RADIL: variants seen among roughly 807,000 people sequenced by gnomAD.
The protein encoded by RADIL is Rap associating with DIL domain.
In RADIL, 99 loss-of-function variants were observed where a neutral mutation model predicts 97.6. The observed-to-expected ratio is 1.01, with a 90% confidence interval of 0.86 to 1.20. The LOEUF (loss-of-function observed/expected upper bound fraction) is 1.20. RADIL is among the 50% of genes most tolerant of loss of function. RADIL has a pLI of 0.00. For missense variants in RADIL, 1,765 were observed against 1,498.9 expected (o/e 1.18, Z -2.93); for synonymous variants, 803 against 691.8 (o/e 1.16, Z -2.52).
Position 4,818,539 on chromosome 7 carries a change from G to A in RADIL, c.1616-1188C>T, listed in dbSNP as rs992183526. On this transcript the variant is annotated intron_variant, in intron 6 of 14. Transcript: ENST00000399583. The surrounding 1 kb of genome is among the most constrained non-coding windows in gnomAD (Gnocchi z 7.1). The stretch of plus-strand genomic sequence containing the variant: ...CAGGCAGGGCAGCTGGAGGGACCCC[G>A]GGGTCCGGGGCAGTAAGGGGCTCTC... 1.3e-5 allele frequency among the ~76,000 whole-genome samples: 2 copies of A among 152,194 alleles called. No individual in the cohort carries two copies. The highest frequency in any genetic ancestry group is 4.8e-5 in the African/African-American group (2 of 41,456).
intron 5 of RADIL, among the ~76,000 whole-genome samples, chr7:4,826,733 AAAAAAAAAAAAC>A (rs1461409613): frequency 1.1e-5 from 1 of 92,064 alleles, no homozygotes; most frequent in African/African-American, 6.7e-5. Flanking sequence ...ACTCCGTCTC[AAAAAAAAAAAAC>A]AAAAAAAAAA....
chr7:4,878,811 G>A lies in RADIL; in HGVS notation c.-64-608C>T, dbSNP rs1482710899. ...ATCAAGGAGCGCCCCACCCGGAGCC[G>A]GCCCCAGCACCATCACAGCCACAGA... is the stretch of plus-strand genomic sequence containing the variant. On this transcript the variant is annotated intron_variant, in intron 1 of 14. Transcript: ENST00000399583. The surrounding 1 kb of genome is among the most constrained non-coding windows in gnomAD (Gnocchi z 4.1). Among the ~76,000 whole-genome samples, 4 of 152,324 alleles carry A rather than the reference G, an allele frequency of 2.6e-5. No individual in the cohort carries two copies. The highest frequency in any genetic ancestry group is 3.4e-3 in the Middle Eastern group (1 of 294).
chr7:4,861,301 T>C lies in RADIL; in HGVS notation c.535+16304A>G, dbSNP rs113890159. On this transcript the variant is annotated intron_variant, in intron 2 of 14. Transcript: ENST00000399583. Reference sequence around the variant, plus strand: ...TAGTCTGTAGTGCTAATCTTGCAAATAAAATATCAATCTCTATCCCATCAA... The same window carrying C: ...TAGTCTGTAGTGCTAATCTTGCAAACAAAATATCAATCTCTATCCCATCAA... 3.2e-5 allele frequency: 51 copies of C among 1,614,098 alleles called. No homozygotes were observed. The African/African-American group carries it at 4.1e-4, about 13-fold the overall frequency.
chr7:4,839,245 A>G (rs907603080), intron 2 of RADIL, among the ~76,000 whole-genome samples: 1 of 152,122 alleles, frequency 6.6e-6, no homozygotes, highest in East Asian at 1.9e-4. Context: ...TTTTACCCCA[A>G]AGTCATTCAG....
chr7:4,805,408 G>T (rs1224831923), intron 10 of RADIL, 158 bp downstream of exon 10: 2 of 534,960 alleles, frequency 3.7e-6, no homozygotes, highest in African/African-American at 5.8e-5. Context: ...ATGGGGCGGG[G>T]CGGGGGGGTC....
intron 2 of RADIL, among the ~76,000 whole-genome samples, chr7:4,844,954 G>T (rs4720427): frequency 0.53 from 79,976 of 151,392 alleles, 22,117 homozygotes; most frequent in African/African-American, 0.7. Context: ...CATGACCCAG[G>T]AGTCAACCAC....
intron 2 of RADIL, among the ~76,000 whole-genome samples, chr7:4,866,929 T>C (rs1784144474): frequency 6.6e-6 from 1 of 152,090 alleles, no homozygotes; most frequent in Non-Finnish European, 1.5e-5. Context: ...CGAGAATGGA[T>C]TGGTTTCCAA....
At chr7:4,855,554 G>A (rs552652945) in intron 2 of RADIL, among the ~76,000 whole-genome samples, 5 of 146,322 alleles carry the variant, frequency 3.4e-5, no homozygotes, top group East Asian at 2.0e-4. Flanking sequence ...CACTGGCACC[G>A]CGTTCGAGTT....
rs1047545586 is a variant in RADIL at position 4,814,961 on chromosome 7, C to T, written c.2139+317G>A. Among the ~76,000 whole-genome samples, 6 of 152,216 alleles carry T rather than the reference C, an allele frequency of 3.9e-5. No individual in the cohort carries two copies. In the East Asian group the frequency reaches 5.8e-4, roughly 15 times the overall value. ...GGACTTGTCTGAGTGGACTGGGCCA[C>T]CCGGATACCCAGGTCATCTCCGAAT... On this transcript the variant is annotated intron_variant, in intron 9 of 14. Transcript: ENST00000399583. The surrounding 1 kb of genome is among the most constrained non-coding windows in gnomAD (Gnocchi z 4.5).
At position 4,879,400 on chromosome 7, in the gene RADIL, C is replaced by T. The variant is rs1287539811; in HGVS notation, c.-64-1197G>A. On this transcript the variant is annotated intron_variant, in intron 1 of 14. Coordinates refer to ENST00000399583, the MANE Select transcript of RADIL (RefSeq NM_018059.5). The surrounding 1 kb of genome is among the most constrained non-coding windows in gnomAD (Gnocchi z 4.1). ...GAAAAGGTGAGGCTGGACTGCAAGG[C>T]AGGAAAATACTGGAAAACTGCGCAC... 6.6e-6 allele frequency among the ~76,000 whole-genome samples: 1 copy of T among 152,210 alleles called. No homozygotes were observed. Among genetic ancestry groups the T allele is most frequent in the Non-Finnish European group, 1.5e-5 (1 of 68,042 alleles).
At chr7:4,825,133 CG>C (rs992519502) in intron 5 of RADIL, among the ~76,000 whole-genome samples, 5 of 150,114 alleles carry the variant, frequency 3.3e-5, no homozygotes, top group African/African-American at 7.4e-5. Flanking sequence ...GAAGGGCACT[CG>C]GGGGGGGACA....
chr7:4,875,116 C>T (rs1360346595), intron 2 of RADIL, among the ~76,000 whole-genome samples: 8 of 141,244 alleles, frequency 5.7e-5, no homozygotes, highest in African/African-American at 1.6e-4. Context: ...GGCGTGAACC[C>T]GGGAGGCGGA....
intron 2 of RADIL, among the ~76,000 whole-genome samples, chr7:4,876,075 G>A (rs1021947374): frequency 1.3e-5 from 2 of 152,110 alleles, no homozygotes; most frequent in Non-Finnish European, 2.9e-5. Flanking sequence ...CCTGGCTGCA[G>A]CATCTGCGGC....
chr7:4,848,695 G>A (rs1324828066), intron 2 of RADIL, among the ~76,000 whole-genome samples: 1 of 152,134 alleles, frequency 6.6e-6, no homozygotes, highest in Non-Finnish European at 1.5e-5. Flanking sequence ...AAAAAAACAT[G>A]GCTCTATTGA....
rs1182852067 is a variant in RADIL at position 4,842,064 on chromosome 7, A to C, written c.536-5459T>G. Among the ~76,000 whole-genome samples, 1 of 152,034 alleles carries C rather than the reference A, an allele frequency of 6.6e-6. No homozygotes were observed. The highest frequency in any genetic ancestry group is 1.5e-5 in the Non-Finnish European group (1 of 67,982). The stretch of plus-strand genomic sequence containing the variant: ...AGCAAGACCCTGTCTCCAAAAAAAA[A>C]AAAAGATGCAACAAGGCCAGAGGCT... On this transcript the variant is annotated intron_variant, in intron 2 of 14. Coordinates refer to ENST00000399583, the MANE Select transcript of RADIL (RefSeq NM_018059.5). This position sits in a 1 kb window ranked among gnomAD's most constrained non-coding sequence, Gnocchi z 4.5.
At chr7:4,851,799 C>T (rs1783715539) in intron 2 of RADIL, among the ~76,000 whole-genome samples, 1 of 152,194 alleles carries the variant, frequency 6.6e-6, no homozygotes, top group Admixed American at 6.5e-5. Context: ...GCGCAGCCTT[C>T]CCAGATGACA....
intron 2 of RADIL, among the ~76,000 whole-genome samples, chr7:4,848,558 A>G (rs1268922879): frequency 2.0e-5 from 3 of 152,194 alleles, no homozygotes; most frequent in Non-Finnish European, 4.4e-5. Context: ...AGCAAGAAGG[A>G]CAATAATTAA....
intron 11 of RADIL, 121 bp from the exon 12 acceptor site, chr7:4,802,116 C>T (rs1583256265): frequency 7.6e-6 from 6 of 784,742 alleles, no homozygotes; most frequent in Non-Finnish European, 1.0e-5. Context: ...CAGCAAAGGA[C>T]TCCCGCAGCC....
chr7:4,853,604 T>C (rs1783759241), intron 2 of RADIL, among the ~76,000 whole-genome samples: 1 of 151,822 alleles, frequency 6.6e-6, no homozygotes, highest in African/African-American at 2.4e-5. Context: ...TAGCCAGGCA[T>C]AGTGGTGGGT....
Sources: gnomAD v4.1 joint callset for allele counts (sites outside exome capture counted in the v4.1 genomes callset) on GRCh38, gnomAD v4.1.1 for gene constraint, Gnocchi (gnomAD v3.1) non-coding constraint, MANE v1.5 for transcripts, NCBI Gene and HGNC (gene_info 2026-07-23, HGNC 2026-07-21) for gene names.